CFAP61: variants seen among roughly 807,000 people sequenced by gnomAD.
CFAP61 encodes the protein cilia- and flagella-associated protein 61.
CFAP61 carries 107 observed loss-of-function variants against 135.6 expected under a neutral mutation model. The observed-to-expected ratio is 0.79, with a 90% CI of 0.67 to 0.93. The LOEUF is 0.93. Ranked by LOEUF, CFAP61 falls within the 40% of genes least tolerant of loss-of-function variation. The probability of loss-of-function intolerance (pLI) is 0.00; values close to 1 mark genes in which losing one functional copy is unlikely to be tolerated. For missense variants in CFAP61, 1,507 were observed against 1,556.2 expected, an observed-to-expected ratio of 0.97 and a Z score of 0.53; for synonymous variants, 575 against 578.5, an observed-to-expected ratio of 0.99 and a Z score of 0.09.
At chr20:20,299,136 CT>C (rs1254054395) in intron 25 of CFAP61, among the ~76,000 whole-genome samples, 1 of 152,208 alleles carries the variant, frequency 6.6e-6, no homozygotes, top group Non-Finnish European at 1.5e-5. Context: ...TGCCATCAAT[CT>C]CTCTTGCCTC....
intron 8 of CFAP61, among the ~76,000 whole-genome samples, chr20:20,114,860 A>AGT (rs1405670349): frequency 1.8e-4 from 27 of 152,330 alleles, no homozygotes; most frequent in African/African-American, 6.5e-4. Flanking sequence ...AACTTTGTGA[A>AGT]TACTCATTAT....
intron 9 of CFAP61, among the ~76,000 whole-genome samples, chr20:20,144,026 A>G (rs2051648858): frequency 6.6e-6 from 1 of 152,256 alleles, no homozygotes; most frequent in Non-Finnish European, 1.5e-5. Flanking sequence ...TCTTGTGGAG[A>G]ATAATTAGTT....
At chr20:20,098,936 A>C in intron 8 of CFAP61, 122 bp downstream of exon 8, 1 of 868,796 alleles carries the variant, frequency 1.2e-6, no homozygotes. Flanking sequence ...GTTCCCCTTA[A>C]GGAGTAGTTC....
At chr20:20,222,671 A>G (rs1001537383) in intron 17 of CFAP61, among the ~76,000 whole-genome samples, 1 of 152,198 alleles carries the variant, frequency 6.6e-6, no homozygotes, top group Admixed American at 6.5e-5. Context: ...CTTTTTAATT[A>G]TTTTAGTAGA....
At chr20:20,348,785 T>C (rs540147431) in intron 26 of CFAP61, among the ~76,000 whole-genome samples, 1 of 135,306 alleles carries the variant, frequency 7.4e-6, no homozygotes, top group Non-Finnish European at 1.6e-5. Flanking sequence ...TACATTCTTA[T>C]GGTAAAAACA....
At chr20:20,313,825 C>T (rs1019284159) in intron 25 of CFAP61, among the ~76,000 whole-genome samples, 1 of 152,164 alleles carries the variant, frequency 6.6e-6, no homozygotes, top group Non-Finnish European at 1.5e-5. Flanking sequence ...CTGGTGAGAG[C>T]TTCTCTGCTA....
In CFAP61 at chr20:20,064,908, G is replaced by A. The variant is rs147691713; in HGVS notation, c.144-5946G>A. 4.5e-4 allele frequency among the ~76,000 whole-genome samples: 68 copies of A among 152,248 alleles called. 1 individual carries two copies. The East Asian group carries it at 0.013, about 29-fold the overall frequency. On this transcript the variant is annotated intron_variant, in intron 2 of 26. Transcript: ENST00000245957. Reference sequence around the variant, plus strand: ...TAATCTGAAGGAAGAAAAATAAGGTGGAGAGGCTTGCCAACTAAAGGTTCA... The same window carrying A: ...TAATCTGAAGGAAGAAAAATAAGGTAGAGAGGCTTGCCAACTAAAGGTTCA...
At chr20:20,117,307 G>T (rs2049220121) in intron 8 of CFAP61, among the ~76,000 whole-genome samples, 1 of 152,064 alleles carries the variant, frequency 6.6e-6, no homozygotes, top group Non-Finnish European at 1.5e-5. Flanking sequence ...TCGTGCCACT[G>T]CACTCCAGCC....
chr20:20,169,532 G>T (rs1043641880), intron 13 of CFAP61, 72 bp downstream of exon 13: 14 of 1,294,336 alleles, frequency 1.1e-5, no homozygotes, highest in African/African-American at 9.1e-5. Flanking sequence ...GGAACTCCCT[G>T]CTATTATAAT....
chr20:20,268,231 G>A (rs1035260743), intron 21 of CFAP61, among the ~76,000 whole-genome samples: 3 of 152,166 alleles, frequency 2.0e-5, no homozygotes, highest in African/African-American at 4.8e-5. Flanking sequence ...TAGTTTCATC[G>A]TGTCCCACTG....
intron 17 of CFAP61, among the ~76,000 whole-genome samples, chr20:20,217,205 C>T (rs750923918): frequency 9.2e-5 from 14 of 152,136 alleles, no homozygotes; most frequent in Non-Finnish European, 1.3e-4. Flanking sequence ...AAAAGCCCAG[C>T]GAGCCTTTTG....
chr20:20,239,317 A>G (rs1484742194), intron 18 of CFAP61, among the ~76,000 whole-genome samples: 1 of 152,190 alleles, frequency 6.6e-6, no homozygotes, highest in African/African-American at 2.4e-5. Flanking sequence ...ATCACAGCAA[A>G]AATATGAGGT....
At chr20:20,156,745 C>G (rs1016205489) in intron 9 of CFAP61, among the ~76,000 whole-genome samples, 5 of 152,136 alleles carry the variant, frequency 3.3e-5, no homozygotes, top group African/African-American at 4.8e-5. Context: ...GAAATACCAT[C>G]TACAACAGTA....
intron 22 of CFAP61, among the ~76,000 whole-genome samples, chr20:20,278,090 A>G (rs117187382): frequency 0.011 from 1,709 of 152,312 alleles, 19 homozygotes; most frequent in Non-Finnish European, 0.018. Flanking sequence ...TGGAGGTCAA[A>G]GATTTGAATG....
At chr20:20,216,908 T>C (rs764241277) in intron 17 of CFAP61, among the ~76,000 whole-genome samples, 38 of 152,150 alleles carry the variant, frequency 2.5e-4, no homozygotes, top group South Asian at 6.2e-4. Context: ...AAATTAGCCT[T>C]GTGTGTTTTA....
chr20:20,076,243 C>T lies in CFAP61; in HGVS notation c.566+628C>T, dbSNP rs530757844. 1.5e-4 allele frequency among the ~76,000 whole-genome samples: 23 copies of T among 152,196 alleles called. 1 individual carries two copies. The highest frequency in any genetic ancestry group is 2.8e-4 in the Non-Finnish European group (19 of 68,044). ...AGTAGACCGTGGCCAAAGGGATGCT[C>T]TGGGACTTGTGAGGCTGGGAAGCTT... On this transcript the variant is annotated intron_variant, in intron 6 of 26. Transcript: ENST00000245957.
intron 13 of CFAP61, among the ~76,000 whole-genome samples, chr20:20,181,881 T>G (rs1461789066): frequency 1.3e-5 from 2 of 152,204 alleles, no homozygotes; most frequent in African/African-American, 4.8e-5. Flanking sequence ...GGGAATGTTC[T>G]CCTTCCTGGC....
intron 15 of CFAP61, among the ~76,000 whole-genome samples, chr20:20,195,775 T>C (rs1446586585): frequency 1.3e-5 from 2 of 152,090 alleles, no homozygotes; most frequent in East Asian, 1.9e-4. Flanking sequence ...CAGCCATACA[T>C]GTAATCAAAA....
rs1467812587 is a variant in CFAP61, at chr20:20,164,150, A to G, written c.1127A>G (p.His376Arg). The G allele has an allele frequency of 2.5e-6, 4 of 1,614,098 alleles. No homozygotes were observed. The highest frequency in any genetic ancestry group is 3.4e-6 in the Non-Finnish European group (4 of 1,179,986). The change falls in exon 11 of 27, where the codon CAC becomes CGC. Residue 376 changes from histidine to arginine, a missense_variant. By Grantham distance (29) the His-to-Arg change is conservative (BLOSUM62 0). Transcript: ENST00000245957. Reference sequence around the variant, plus strand: ...CTCGTACTGCCTGAAGAGCCCGTCCACTTCCGCCCCATCTACAGGGGAGCC... The same window carrying G: ...CTCGTACTGCCTGAAGAGCCCGTCCGCTTCCGCCCCATCTACAGGGGAGCC... ...ASLVLPEEPV[H>R]FRPIYRGASA...
Sources: gnomAD v4.1 joint callset for allele counts (sites outside exome capture counted in the v4.1 genomes callset) on GRCh38, gnomAD v4.1.1 for gene constraint, MANE v1.5 for transcripts, NCBI Gene and HGNC (gene_info 2026-07-23, HGNC 2026-07-21) for gene names.